Variants in COLEC11 observed in about 807,000 individuals in gnomAD.
COLEC11 encodes collectin subfamily member 11.
A neutral mutation model predicts 27.3 loss-of-function variants in COLEC11; 20 were observed. That is an observed-to-expected ratio of 0.73 (90% CI 0.51 to 1.06). The LOEUF is 1.06. Ranked by LOEUF, COLEC11 falls within the 50% of genes least tolerant of loss-of-function variation. COLEC11 has a pLI of 0.00. For missense variants in COLEC11, 310 were observed against 383.0 expected (o/e 0.81, Z 1.59); for synonymous variants, 163 against 154.7 (o/e 1.05, Z -0.40).
At chr2:3,604,158 T>C (rs193082866) in intron 1 of COLEC11, 157 bp from the exon 2 acceptor site, 77 of 743,922 alleles carry the variant, frequency 1.0e-4, no homozygotes, top group South Asian at 5.7e-4. Context: ...AGGCTCATGA[T>C]TGGTGCTTGA....
At chr2:3,605,190 G>C in intron 2 of COLEC11, 1 of 456,096 alleles carries the variant, frequency 2.2e-6, no homozygotes. Flanking sequence ...CAAAATTACA[G>C]AACCCAAGAA....
In COLEC11 at chr2:3,643,860, T is replaced by C. The variant is rs1454934765; in HGVS notation, c.558T>C (p.Asn186=). ...TLSMPKDEAA[N]GLMAAYLAQA... ...GCATGCCCAAGGACGAGGCTGCCAA[T>C]GGCCTGATGGCCGCATACCTGGCGC... The change falls in exon 7 of 7, where the codon AAT becomes AAC. Residue 186 remains asparagine (N), a synonymous_variant. Transcript: ENST00000349077. 2 of 1,613,682 alleles carry C rather than the reference T, an allele frequency of 1.2e-6. No homozygotes were observed. The highest frequency in any genetic ancestry group is 3.3e-5 in the Admixed American group (2 of 60,026).
intron 3 of COLEC11, among the ~76,000 whole-genome samples, chr2:3,615,837 GC>G (rs1442307099): frequency 7.7e-4 from 16 of 20,832 alleles, no homozygotes; most frequent in African/African-American, 1.9e-3. Context: ...GGACGCGGCG[GC>G]TGGCCGGGCA....
At chr2:3,605,993 T>C in intron 2 of COLEC11, 1 of 1,420,304 alleles carries the variant, frequency 7.0e-7, no homozygotes, top group Non-Finnish European at 9.5e-7. Flanking sequence ...TGTACCTGCT[T>C]TAGAAAATGT....
At chr2:3,624,781 G>A (rs1248091800) in intron 3 of COLEC11, among the ~76,000 whole-genome samples, 1 of 152,202 alleles carries the variant, frequency 6.6e-6, no homozygotes, top group Non-Finnish European at 1.5e-5. Context: ...TTCATGGGGA[G>A]TTGTCAACAT....
chr2:3,632,242 C>T (rs1182285436), intron 3 of COLEC11, among the ~76,000 whole-genome samples: 2 of 152,184 alleles, frequency 1.3e-5, no homozygotes, highest in Admixed American at 6.5e-5. Flanking sequence ...CTCGGAATCA[C>T]GGGGCACTGT....
intron 3 of COLEC11, among the ~76,000 whole-genome samples, chr2:3,631,260 A>T (rs67343770): frequency 2.0e-5 from 3 of 151,996 alleles, no homozygotes; most frequent in Admixed American, 2.0e-4. Context: ...AAAAAAAAAG[A>T]TGCTTAGGCA....
intron 2 of COLEC11, among the ~76,000 whole-genome samples, chr2:3,610,642 C>G (rs1008696009): frequency 6.6e-6 from 1 of 152,148 alleles, no homozygotes; most frequent in Non-Finnish European, 1.5e-5. Flanking sequence ...CTCGCTCTGC[C>G]CAACCACCTG....
At chr2:3,601,184 C>T (rs180815768) in intron 1 of COLEC11, among the ~76,000 whole-genome samples, 109 of 152,310 alleles carry the variant, frequency 7.2e-4, no homozygotes, top group Middle Eastern at 3.4e-3. Context: ...GCAGTGGAGC[C>T]GGGATTTGAG....
chr2:3,609,132 C>T (rs184274307), intron 2 of COLEC11, among the ~76,000 whole-genome samples: 64 of 152,320 alleles, frequency 4.2e-4, no homozygotes, highest in African/African-American at 1.4e-3. Flanking sequence ...AAGCAGAGCC[C>T]TTGGGAGATG....
rs149219064 is a variant in COLEC11, at chr2:3,628,330, G to C, written c.203-9203G>C. ...ATGCTGGGCGGGGGCTGTGTTCTCT[G>C]CCTATCTATGGAGGTGGGGCTCTGC... On this transcript the variant is annotated intron_variant, in intron 3 of 6. Coordinates refer to ENST00000349077, the MANE Select transcript of COLEC11 (RefSeq NM_024027.5). Among the ~76,000 whole-genome samples, 1,288 of 152,368 alleles carry C rather than the reference G, an allele frequency of 8.5e-3. 12 individuals carry two copies. The highest frequency in any genetic ancestry group is 0.028 in the African/African-American group (1,181 of 41,594).
intron 3 of COLEC11, 148 bp downstream of exon 3, chr2:3,613,530 G>A (rs990176341): frequency 1.3e-6 from 1 of 769,230 alleles, no homozygotes; most frequent in Middle Eastern, 3.7e-4. Context: ...TGGGACTTGG[G>A]TCGGGAGCAG....
intron 3 of COLEC11, among the ~76,000 whole-genome samples, chr2:3,633,733 T>G (rs1477269655): frequency 6.6e-6 from 1 of 152,056 alleles, no homozygotes; most frequent in Non-Finnish European, 1.5e-5. Context: ...ACCTCTGGAA[T>G]AGTGCGGTGG....
At chr2:3,616,673 C>T (rs1663767134) in intron 3 of COLEC11, among the ~76,000 whole-genome samples, 1 of 152,202 alleles carries the variant, frequency 6.6e-6, no homozygotes, top group Admixed American at 6.5e-5. Flanking sequence ...GCAGGAGAAC[C>T]AGGCAGGGAG....
At chr2:3,599,284 C>G (rs1343376156) in intron 1 of COLEC11, among the ~76,000 whole-genome samples, 5 of 152,302 alleles carry the variant, frequency 3.3e-5, no homozygotes, top group Middle Eastern at 3.4e-3. Context: ...AGGGGCTCTG[C>G]AGGAAGAAGC....
intron 3 of COLEC11, among the ~76,000 whole-genome samples, chr2:3,622,161 T>TC (rs1404747603): frequency 2.9e-5 from 4 of 138,960 alleles, no homozygotes; most frequent in Non-Finnish European, 6.1e-5. Flanking sequence ...AGAATGAGAC[T>TC]CCATCTCAAA....
At chr2:3,609,360 T>C (rs1229967592) in intron 2 of COLEC11, among the ~76,000 whole-genome samples, 636 of 54,912 alleles carry the variant, frequency 0.012, 24 homozygotes, top group African/African-American at 0.024. Context: ...TGATTTTTTT[T>C]TTTTTTTTTT....
Position 3,602,741 on chromosome 2 carries a change from C to G in COLEC11, c.-26-1574C>G, listed in dbSNP as rs550442858. ...GGCTCCTGTCTCCTGTCCTCTGTGC[C>G]CACCAGGCCAGCCCACCTCTCCCCG... On this transcript the variant is annotated intron_variant, in intron 1 of 6. Coordinates refer to ENST00000349077, the MANE Select transcript of COLEC11 (RefSeq NM_024027.5). This position sits in a 1 kb window ranked among gnomAD's most constrained non-coding sequence, Gnocchi z 6.2. Among the ~76,000 whole-genome samples, 1 of 152,202 alleles carries G rather than the reference C, an allele frequency of 6.6e-6. No individual in the cohort carries two copies. The highest frequency in any genetic ancestry group is 2.4e-5 in the African/African-American group (1 of 41,450).
At chr2:3,607,956 C>G (rs76725554) in intron 2 of COLEC11, among the ~76,000 whole-genome samples, 8 of 152,280 alleles carry the variant, frequency 5.3e-5, no homozygotes, top group Non-Finnish European at 1.0e-4. Flanking sequence ...CCTGGGGTGC[C>G]GTGGCACTTG....
Sources: gnomAD v4.1 joint callset for allele counts (sites outside exome capture counted in the v4.1 genomes callset) on GRCh38, gnomAD v4.1.1 for gene constraint, Gnocchi (gnomAD v3.1) non-coding constraint, MANE v1.5 for transcripts, NCBI Gene and HGNC (gene_info 2026-07-23, HGNC 2026-07-21) for gene names.